Variants in GUCY2C observed in about 807,000 individuals in gnomAD.
GUCY2C encodes guanylate cyclase 2C.
In GUCY2C, 118 loss-of-function variants were observed where a neutral mutation model predicts 131.1. The ratio of observed to expected loss-of-function variants is 0.90; its 90% confidence interval spans 0.78 to 1.05. GUCY2C has a LOEUF of 1.05. Ranked by LOEUF, GUCY2C falls within the 50% of genes least tolerant of loss-of-function variation. The probability of loss-of-function intolerance (pLI) is 0.00; values close to 1 mark genes in which losing one functional copy is unlikely to be tolerated. For synonymous variants in GUCY2C, 452 were observed against 457.8 expected, an observed-to-expected ratio of 0.99 and a Z score of 0.16; for missense variants, 1,161 against 1,304.4, an observed-to-expected ratio of 0.89 and a Z score of 1.69.
At chr12:14,675,207 CAAAAAAA>C (rs35870014) in intron 7 of GUCY2C, among the ~76,000 whole-genome samples, 8 of 34,788 alleles carry the variant, frequency 2.3e-4, no homozygotes, top group Non-Finnish European at 3.1e-4. Context: ...AACTCCATCT[CAAAAAAA>C]AAAAAAAAAA....
chr12:14,620,831 T>A (rs1006351074), intron 23 of GUCY2C, among the ~76,000 whole-genome samples: 1 of 152,202 alleles, frequency 6.6e-6, no homozygotes, highest in African/African-American at 2.4e-5. Flanking sequence ...CAGCAGTCAG[T>A]GGTGCCCTCA....
chr12:14,676,201 G>A (rs1225951285), intron 7 of GUCY2C, among the ~76,000 whole-genome samples: 1 of 152,076 alleles, frequency 6.6e-6, no homozygotes, highest in African/African-American at 2.4e-5. Flanking sequence ...AAAGTACAGG[G>A]ACTGACAAAG....
In GUCY2C at chr12:14,645,210, G is replaced by C. The variant is rs752837198; in HGVS notation, c.1797+19C>G. 2 of 1,224,336 alleles carry C rather than the reference G, an allele frequency of 1.6e-6. No homozygotes were observed. Among genetic ancestry groups the C allele is most frequent in the Admixed American group, 1.9e-5 (1 of 52,706 alleles). The allele number at this position is 1,224,336 out of a possible 1,614,324, so 75.8% of individuals were successfully genotyped here. On this transcript the variant is annotated intron_variant, in intron 16 of 26. Coordinates refer to ENST00000261170, the MANE Select transcript of GUCY2C (RefSeq NM_004963.4). Reference sequence around the variant, plus strand: ...CTTATATTTAATTTTCATATTTTCTGTGTGTGTGTTTCTCTTACCTTAGCA... The same window carrying C: ...CTTATATTTAATTTTCATATTTTCTCTGTGTGTGTTTCTCTTACCTTAGCA...
At chr12:14,660,880 C>G in intron 11 of GUCY2C, 101 bp downstream of exon 11, 1 of 778,196 alleles carries the variant, frequency 1.3e-6, no homozygotes, top group East Asian at 2.5e-5. Flanking sequence ...CTGCAGGCTT[C>G]TTTGTGAATA....
In GUCY2C at chr12:14,660,965, A is replaced by T; in HGVS notation, c.1364+16T>A. On this transcript the variant is annotated intron_variant, in intron 11 of 26. Coordinates refer to ENST00000261170, the MANE Select transcript of GUCY2C (RefSeq NM_004963.4). The stretch of plus-strand genomic sequence containing the variant: ...TCTCTGGATACCGAACACAGGCATG[A>T]TAGAGGCGGCTGTACCTGAGCATCA... 1 of 1,573,092 alleles carries T rather than the reference A, an allele frequency of 6.4e-7. No homozygotes were observed. The highest frequency in any genetic ancestry group is 8.8e-7 in the Non-Finnish European group (1 of 1,142,560).
intron 20 of GUCY2C, among the ~76,000 whole-genome samples, chr12:14,627,545 T>C (rs1947049276): frequency 6.6e-6 from 1 of 152,170 alleles, no homozygotes; most frequent in African/African-American, 2.4e-5. Context: ...ACCTGGGAGC[T>C]ATTAAAAATC....
intron 4 of GUCY2C, among the ~76,000 whole-genome samples, chr12:14,681,738 C>T (rs1478888316): frequency 3.9e-5 from 6 of 152,164 alleles, no homozygotes; most frequent in African/African-American, 1.4e-4. Context: ...GTTCTAAACA[C>T]ACTCTAAGCA....
intron 8 of GUCY2C, among the ~76,000 whole-genome samples, chr12:14,673,187 AC>A (rs781123886): frequency 5.3e-5 from 8 of 152,068 alleles, no homozygotes; most frequent in Non-Finnish European, 1.2e-4. Context: ...AAAGCAAAAA[AC>A]CTTTTCATTG....
intron 10 of GUCY2C, among the ~76,000 whole-genome samples, chr12:14,664,874 AT>A (rs1441120933): frequency 6.6e-6 from 1 of 151,698 alleles, no homozygotes; most frequent in Non-Finnish European, 1.5e-5. Flanking sequence ...TCATTCATTC[AT>A]TTATTCATTC....
intron 11 of GUCY2C, among the ~76,000 whole-genome samples, chr12:14,658,876 TATA>T (rs1465399097): frequency 6.6e-6 from 1 of 151,054 alleles, no homozygotes; most frequent in Non-Finnish European, 1.5e-5. Context: ...CATAATACAA[TATA>T]ATAATAAAAA....
chr12:14,681,402 A>G lies in GUCY2C; in HGVS notation c.687T>C (p.Asp229=). 6.2e-7 allele frequency: 1 copy of G among 1,612,274 alleles called. No individual in the cohort carries two copies. The highest frequency in any genetic ancestry group is 1.7e-5 in the Admixed American group (1 of 59,982). ...CCATTAAGATATCCTGAAACTCCTT[A>G]TCTTGTCTTAACACCACCTTAAAGC... is the stretch of plus-strand genomic sequence containing the variant. The part of the protein sequence containing the change: ...ELGFKVVLRQ[D]KEFQDILMDH... The change falls in exon 5 of 27, where the codon GAT becomes GAC. Residue 229 remains aspartate, a synonymous_variant. Coordinates refer to ENST00000261170, the MANE Select transcript of GUCY2C (RefSeq NM_004963.4).
At chr12:14,634,389 G>A (rs1947216718) in intron 19 of GUCY2C, among the ~76,000 whole-genome samples, 4 of 152,138 alleles carry the variant, frequency 2.6e-5, no homozygotes, top group South Asian at 2.1e-4. Context: ...GCTTCAGGGC[G>A]TCCTACGCCT....
intron 18 of GUCY2C, 57 bp downstream of exon 18, chr12:14,641,025 C>T (rs1839386921): frequency 6.4e-7 from 1 of 1,553,356 alleles, no homozygotes; most frequent in Middle Eastern, 2.2e-4. Context: ...TCTCAGTAAG[C>T]CTAGAAAGCA....
intron 10 of GUCY2C, among the ~76,000 whole-genome samples, chr12:14,666,754 T>TAAGAA (rs1947990831): frequency 2.3e-4 from 32 of 141,938 alleles, no homozygotes; most frequent in Non-Finnish European, 4.8e-4. Context: ...AAAAAAAGAG[T>TAAGAA]AAGAAAAGAA....
At position 14,660,752 on chromosome 12, in the gene GUCY2C, A is replaced by G. The variant is rs115073790; in HGVS notation, c.1364+229T>C. Among the ~76,000 whole-genome samples, 1,130 of 152,320 alleles carry G rather than the reference A, an allele frequency of 7.4e-3. 24 individuals are homozygous for G. Among genetic ancestry groups the G allele is most frequent in the African/African-American group, 0.026 (1,092 of 41,572 alleles). On this transcript the variant is annotated intron_variant, in intron 11 of 26. Coordinates refer to ENST00000261170, the MANE Select transcript of GUCY2C (RefSeq NM_004963.4). Reference sequence around the variant, plus strand: ...TTAAGACCACAGAACTAGTAACTCAAAGAACTGGGATTTGAGTTCAGGCAT... The same window carrying G: ...TTAAGACCACAGAACTAGTAACTCAGAGAACTGGGATTTGAGTTCAGGCAT...
rs565800964 is a variant in GUCY2C at position 14,614,213 on chromosome 12, T to C, written c.3047+654A>G. 7.2e-4 allele frequency among the ~76,000 whole-genome samples: 110 copies of C among 152,278 alleles called. 1 individual carries two copies. Among genetic ancestry groups the C allele is most frequent in the African/African-American group, 2.5e-3 (106 of 41,576 alleles). On this transcript the variant is annotated intron_variant, in intron 26 of 26. Coordinates refer to ENST00000261170, the MANE Select transcript of GUCY2C (RefSeq NM_004963.4). ...ACAACGCTAGCTTTGCCATGCTTTA[T>C]TGCAGGGCAATATAGTCAGTTTTTC... is the stretch of plus-strand genomic sequence containing the variant.
At chr12:14,659,394 G>A (rs1210996712) in intron 11 of GUCY2C, among the ~76,000 whole-genome samples, 5 of 151,990 alleles carry the variant, frequency 3.3e-5, no homozygotes. Context: ...CATATTATAA[G>A]TTCTTGCTTG....
At chr12:14,641,936 C>CA (rs147602523) in intron 17 of GUCY2C, among the ~76,000 whole-genome samples, 18,622 of 139,058 alleles carry the variant, frequency 0.13, 3,387 homozygotes, top group African/African-American at 0.42. Flanking sequence ...GACTCCATCT[C>CA]AAAAAAAAAA....
chr12:14,696,520 G>A lies in GUCY2C; in HGVS notation c.-72C>T. The stretch of plus-strand genomic sequence containing the variant: ...CTCTGTTGGGCTCCTAGGGAGGCAG[G>A]GAATCCAGATGGACAGCCTCTAGTG... On this transcript the variant is annotated 5_prime_UTR_variant, in exon 1 of 27. Transcript: ENST00000261170. 1 of 1,186,998 alleles carries A rather than the reference G, an allele frequency of 8.4e-7. No homozygotes were observed. 73.5% of individuals were successfully genotyped at this position (1,186,998 alleles called of 1,614,324 possible).
Sources: gnomAD v4.1 joint callset for allele counts (sites outside exome capture counted in the v4.1 genomes callset) on GRCh38, gnomAD v4.1.1 for gene constraint, MANE v1.5 for transcripts, NCBI Gene and HGNC (gene_info 2026-07-23, HGNC 2026-07-21) for gene names.